ZNF229: variants seen among roughly 807,000 people sequenced by gnomAD.
ZNF229 encodes the protein zinc finger protein 229.
In ZNF229, 10 loss-of-function variants were observed where a neutral mutation model predicts 11.8. That is an observed-to-expected ratio of 0.85 (90% confidence interval 0.52 to 1.44). The LOEUF is 1.44. ZNF229 is among the 40% of genes most tolerant of loss of function. The pLI, the probability that ZNF229 is intolerant of heterozygous loss-of-function variation, is 0.00. For synonymous variants in ZNF229, 368 were observed against 374.8 expected (o/e 0.98, Z 0.21); for missense variants, 1,045 against 1,015.1 (o/e 1.03, Z -0.40).
chr19:44,445,188 A>G (rs1316971259), intron 2 of ZNF229, among the ~76,000 whole-genome samples: 1 of 152,184 alleles, frequency 6.6e-6, no homozygotes, highest in Non-Finnish European at 1.5e-5. Flanking sequence ...AACCAGAATC[A>G]GATTATTCTT....
Position 44,428,809 on chromosome 19 carries a change from A to G in ZNF229, c.1972T>C (p.Cys658Arg). The G allele has an allele frequency of 6.2e-7, 1 of 1,613,346 alleles. No individual in the cohort carries two copies. The highest frequency in any genetic ancestry group is 8.5e-7 in the Non-Finnish European group (1 of 1,179,556). ...RVHTGEKPYR[C>R]QECGKGFRCT... ...CTAAAGCCCTTTCCGCACTCTTGGCATCTGTAAGGTTTCTCGCCTGTGTGG... is the reference window on the plus strand; with the variant it reads ...CTAAAGCCCTTTCCGCACTCTTGGCGTCTGTAAGGTTTCTCGCCTGTGTGG... Residue 658 changes from cysteine to arginine, a missense_variant, in exon 6 of 6, where the codon TGC becomes CGC. Coordinates refer to ENST00000614049, the MANE Select transcript of ZNF229 (RefSeq NM_014518.4).
chr19:44,446,766 T>C, intron 2 of ZNF229, among the ~76,000 whole-genome samples: 1 of 152,236 alleles, frequency 6.6e-6, no homozygotes, highest in East Asian at 1.9e-4. Flanking sequence ...TTAATCTCTC[T>C]ACAAATTAGG....
At position 44,430,158 on chromosome 19, in the gene ZNF229, G is replaced by A; in HGVS notation, c.623C>T (p.Thr208Ile). ...GTTACATTTATATACTGTGTCTTCT[G>A]TGTCGAGATTTTTACATCTTTCTTG... ...DVQERCKNLD[T>I]EDTVYKCNWD... Residue 208 changes from threonine to isoleucine, a missense_variant, in exon 6 of 6, where the codon ACA (threonine) becomes ATA (isoleucine). Physicochemically the swap from Thr to Ile is moderately conservative, Grantham distance 89. Transcript: ENST00000614049. 1.2e-6 allele frequency: 2 copies of A among 1,614,048 alleles called. No homozygotes were observed. The highest frequency in any genetic ancestry group is 1.7e-6 in the Non-Finnish European group (2 of 1,180,022).
At position 44,430,428 on chromosome 19, in the gene ZNF229, C is replaced by T. The variant is rs771693458; in HGVS notation, c.353G>A (p.Gly118Glu). ...IWEEVAGELP[G>E]SQDCRVNLQG... ...CAGATTTACTCTACAGTCTTGGCTC[C>T]CAGGTAATTCACCTGCCACCTCTTC... Residue 118 changes from glycine (G) to glutamate (E), a missense_variant, in exon 6 of 6, where the codon GGG (glycine) becomes GAG (glutamate). Gly to Glu is a moderately conservative substitution (Grantham distance 98). Transcript: ENST00000614049. 6.2e-7 allele frequency: 1 copy of T among 1,614,138 alleles called. No homozygotes were observed. The highest frequency in any genetic ancestry group is 8.5e-7 in the Non-Finnish European group (1 of 1,180,042).
chr19:44,432,250 T>C lies in ZNF229; in HGVS notation c.210A>G (p.Leu70=). ...QDVMQENFRN[L]LSVGERNPLG... ...GAGGATTCCTCTCACCCACTGAGAG[T>C]AGGTTCCTGAAATTCTCCTGCATCA... The change falls in exon 5 of 6, where the codon CTA becomes CTG. Residue 70 remains leucine (L), a synonymous_variant. Transcript: ENST00000614049. 1 of 1,613,472 alleles carries C rather than the reference T, an allele frequency of 6.2e-7. No individual in the cohort carries two copies. Among genetic ancestry groups the C allele is most frequent in the Non-Finnish European group, 8.5e-7 (1 of 1,179,838 alleles).
Position 44,429,615 on chromosome 19 carries a change from C to G in ZNF229, c.1166G>C (p.Ser389Thr). Residue 389 changes from serine (S) to threonine (T), a missense_variant, in exon 6 of 6, where the codon AGT becomes ACT. By Grantham distance (58) the Ser-to-Thr change is moderately conservative. Transcript: ENST00000614049. ...CEECGKAFGR[S>T]SNLLVHQRVH... ...CCTCTGATGGACAAGCAGGTTTGAA[C>G]TTCGACCAAATGCCTTCCCACACTC... 6.2e-7 allele frequency: 1 copy of G among 1,614,022 alleles called. No individual in the cohort carries two copies. The highest frequency in any genetic ancestry group is 8.5e-7 in the Non-Finnish European group (1 of 1,180,006).
intron 4 of ZNF229, among the ~76,000 whole-genome samples, chr19:44,434,735 C>T (rs1161560371): frequency 3.9e-5 from 6 of 152,190 alleles, no homozygotes; most frequent in Admixed American, 2.6e-4. Context: ...AATGCTTTCA[C>T]TTGACTTTTT....
At chr19:44,434,442 CATTTTGA>C (rs1971777120) in intron 4 of ZNF229, among the ~76,000 whole-genome samples, 3 of 152,138 alleles carry the variant, frequency 2.0e-5, no homozygotes, top group Non-Finnish European at 4.4e-5. Flanking sequence ...TCAAAAGTAG[CATTTTGA>C]ACCAAGGAAT....
Position 44,429,175 on chromosome 19 carries a change from G to A in ZNF229, c.1606C>T (p.Gln536Ter). 1 of 1,614,048 alleles carries A rather than the reference G, an allele frequency of 6.2e-7. No homozygotes were observed. The highest frequency in any genetic ancestry group is 8.5e-7 in the Non-Finnish European group (1 of 1,180,036). The stretch of plus-strand genomic sequence containing the variant: ...GGTTTCTCTCCTGTGTGCAGTCTCT[G>A]ATGCATGAGAAGCCCTGAGCTGTAA... The part of the protein sequence containing the change: ...FSYSSGLLMH[Q>*]RLHTGEKPYK... The change falls in exon 6 of 6, where the codon CAG becomes TAG. Residue 536 changes from glutamine to a stop codon, truncating the protein, a stop_gained. Transcript: ENST00000614049. LOFTEE classifies it low-confidence loss of function (END_TRUNC).
intron 4 of ZNF229, among the ~76,000 whole-genome samples, chr19:44,442,241 G>A (rs1244337250): frequency 6.6e-6 from 1 of 152,164 alleles, no homozygotes; most frequent in Non-Finnish European, 1.5e-5. Flanking sequence ...CGATGATTCA[G>A]TATTTGGAGA....
rs746138206 is a variant in ZNF229 at position 44,428,410 on chromosome 19, T to A, written c.2371A>T (p.Thr791Ser). Residue 791 changes from threonine (T) to serine (S), a missense_variant, in exon 6 of 6, where the codon ACT becomes TCT. Transcript: ENST00000614049. ...CCACACGTATAGGGCTTCTCTCCAG[T>A]GTGGACTCTCTGATGAACATGAAGA... ...SCLHVHQRVH[T>S]GEKPYTCGVC... 4 of 1,614,062 alleles carry A rather than the reference T, an allele frequency of 2.5e-6. No individual in the cohort carries two copies. In the Admixed American group the frequency reaches 6.7e-5, roughly 27 times the overall value.
chr19:44,436,799 C>T (rs1247636903), intron 4 of ZNF229, among the ~76,000 whole-genome samples: 1 of 152,072 alleles, frequency 6.6e-6, no homozygotes, highest in Non-Finnish European at 1.5e-5. Flanking sequence ...TGCAGATGTA[C>T]AAGTAACTCG....
At position 44,429,353 on chromosome 19, in the gene ZNF229, G is replaced by C. The variant is rs1971660411; in HGVS notation, c.1428C>G (p.Leu476=). The C allele has an allele frequency of 1.9e-6, 3 of 1,613,942 alleles. No homozygotes were observed. Among genetic ancestry groups the C allele is most frequent in the Non-Finnish European group, 2.5e-6 (3 of 1,179,968 alleles). ...CGGTGTGTGTCTTCTGATGACTGCT[G>C]AGGTGGGAGCTGCAGCTGAATCCCT... ...CGKGFSCSSH[L]SSHQKTHTGE... The change falls in exon 6 of 6, where the codon CTC becomes CTG. Residue 476 remains leucine (L), a synonymous_variant. Transcript: ENST00000614049.
At chr19:44,431,379 G>C (rs1008562152) in intron 5 of ZNF229, among the ~76,000 whole-genome samples, 5 of 151,978 alleles carry the variant, frequency 3.3e-5, no homozygotes, top group Non-Finnish European at 7.4e-5. Flanking sequence ...TTATCTTTCA[G>C]GGCTTGGGTA....
chr19:44,433,831 A>G (rs938264088), intron 4 of ZNF229, among the ~76,000 whole-genome samples: 33 of 152,052 alleles, frequency 2.2e-4, no homozygotes, highest in African/African-American at 7.7e-4. Context: ...CAGTGGTGCA[A>G]TCTTGACTCA....
At chr19:44,433,078 G>A (rs570121233) in intron 4 of ZNF229, among the ~76,000 whole-genome samples, 1 of 151,870 alleles carries the variant, frequency 6.6e-6, no homozygotes, top group East Asian at 1.9e-4. Flanking sequence ...TGGACACAGG[G>A]TCTCTTACTT....
chr19:44,428,466 T>G lies in ZNF229; in HGVS notation c.2315A>C (p.Glu772Ala), dbSNP rs779094952. The G allele has an allele frequency of 5.6e-6, 9 of 1,613,672 alleles. No individual in the cohort carries two copies. The highest frequency in any genetic ancestry group is 1.3e-5 in the African/African-American group (1 of 74,834). ...GTTGCGGCCAAAGCCCTTCCCACACTCCTCACATTTATAGGGTTTCTCACC... is the reference window on the plus strand; with the variant it reads ...GTTGCGGCCAAAGCCCTTCCCACACGCCTCACATTTATAGGGTTTCTCACC... Reference protein sequence around the residue: ...HTGEKPYKCEECGKGFGRNSC... With the variant: ...HTGEKPYKCEACGKGFGRNSC... Residue 772 changes from glutamate to alanine, a missense_variant, in exon 6 of 6, where the codon GAG becomes GCG. By Grantham distance (107) the Glu-to-Ala change is moderately radical. Coordinates refer to ENST00000614049, the MANE Select transcript of ZNF229 (RefSeq NM_014518.4).
intron 5 of ZNF229, chr19:44,431,695 T>C (rs1280334453): frequency 2.1e-6 from 2 of 949,530 alleles, no homozygotes; most frequent in Non-Finnish European, 2.5e-6. Flanking sequence ...TGGGACCTCC[T>C]GTGGGCAAGC....
chr19:44,433,416 T>C (rs1017440230), intron 4 of ZNF229, among the ~76,000 whole-genome samples: 1 of 152,074 alleles, frequency 6.6e-6, no homozygotes, highest in Admixed American at 6.5e-5. Context: ...TGCTGAACTG[T>C]AATCCCCAGT....
Sources: allele counts gnomAD v4.1 joint callset (sites outside exome capture counted in the v4.1 genomes callset), GRCh38; gene constraint gnomAD v4.1.1; transcripts MANE v1.5; gene names NCBI Gene and HGNC (gene_info 2026-07-23, HGNC 2026-07-21).